The following LAMA3 variants were observed in gnomAD, a reference collection of about 807,000 sequenced individuals.
The protein encoded by LAMA3 is laminin subunit alpha-3.
In LAMA3, 281 loss-of-function variants were observed where a neutral mutation model predicts 402.0. That is an observed-to-expected ratio of 0.70 (90% CI 0.63 to 0.77). The LOEUF is 0.77. LAMA3 is among the 30% of genes least tolerant of loss of function. The pLI is 0.00. For synonymous variants in LAMA3, 1,431 were observed against 1,558.4 expected, an observed-to-expected ratio of 0.92 and a Z score of 1.93; for missense variants, 3,840 against 4,215.5, an observed-to-expected ratio of 0.91 and a Z score of 2.47.
chr18:23,801,619 A>G (rs547486429), intron 12 of LAMA3, among the ~76,000 whole-genome samples: 9 of 152,216 alleles, frequency 5.9e-5, no homozygotes, highest in Non-Finnish European at 1.0e-4. Flanking sequence ...AGAAACCTCC[A>G]TACTGTTTTC....
Position 23,866,927 on chromosome 18 carries a change from CAT to C in LAMA3, c.4684-906_4684-905del, listed in dbSNP as rs1262316701. ...TTGTGCTACAGCAGAAAAGCTGGGACATGTGTGTGTTTTTGCAGCAGGGTTGC... is the reference window on the plus strand; with the variant it reads ...TTGTGCTACAGCAGAAAAGCTGGGACGTGTGTGTTTTTGCAGCAGGGTTGC... On this transcript the variant is annotated intron_variant, in intron 36 of 74. Coordinates refer to ENST00000313654, the MANE Select transcript of LAMA3 (RefSeq NM_198129.4). Among the ~76,000 whole-genome samples, 3 of 152,294 alleles carry C rather than the reference CAT, an allele frequency of 2.0e-5. No individual in the cohort carries two copies. In the South Asian group the frequency reaches 6.2e-4, roughly 32 times the overall value.
chr18:23,898,839 G>T lies in LAMA3; in HGVS notation c.5715G>T (p.Leu1905Phe). The change falls in exon 45 of 75, where the codon TTG (leucine) becomes TTT (phenylalanine). Residue 1905 changes from leucine (L) to phenylalanine (F), a missense_variant. This residue lies in a region of LAMA3 where 891 missense variants were observed against 857.5 expected (regional missense o/e 1.04). Transcript: ENST00000313654. ...LTDLNQEFET[L>F]QEKAQVNSRK... ...ATTTGAATCAAGAATTTGAGACTTT[G>T]CAAGAAAAGGTAATGTGTTAGGTCC... 6.2e-7 allele frequency: 1 copy of T among 1,601,688 alleles called. No individual in the cohort carries two copies. Among genetic ancestry groups the T allele is most frequent in the Non-Finnish European group, 8.6e-7 (1 of 1,168,700 alleles).
intron 39 of LAMA3, among the ~76,000 whole-genome samples, chr18:23,880,208 G>C (rs996265033): frequency 6.6e-6 from 1 of 152,140 alleles, no homozygotes; most frequent in African/African-American, 2.4e-5. Flanking sequence ...CAGACCTGAA[G>C]GAGTCTGGAC....
Position 23,705,492 on chromosome 18 carries a change from C to CAT in LAMA3, c.295-8418_295-8417dup, listed in dbSNP as rs34357246. Among the ~76,000 whole-genome samples the CAT allele has an allele frequency of 4.4e-4, 65 of 147,510 alleles. 1 individual carries two copies. Among genetic ancestry groups the CAT allele is most frequent in the Middle Eastern group, 3.5e-3 (1 of 288 alleles). On this transcript the variant is annotated intron_variant, in intron 1 of 74. Coordinates refer to ENST00000313654, the MANE Select transcript of LAMA3 (RefSeq NM_198129.4). ...ACACACACACACACAGACATATATG[C>CAT]ATATATATATACACATACACACATA...
At chr18:23,696,015 G>A (rs13381500) in intron 1 of LAMA3, among the ~76,000 whole-genome samples, 1 of 151,520 alleles carries the variant, frequency 6.6e-6, no homozygotes, top group Non-Finnish European at 1.5e-5. Flanking sequence ...TGAGGGCTCA[G>A]AGGGCTGCTT....
Position 23,867,878 on chromosome 18 carries a change from G to T in LAMA3, c.4728G>T (p.Arg1576=). 1.2e-6 allele frequency: 2 copies of T among 1,614,062 alleles called. No individual in the cohort carries two copies. The highest frequency in any genetic ancestry group is 1.7e-6 in the Non-Finnish European group (2 of 1,179,978). ...SIIYEETNTP[R]PDRLHHGRVH... is the part of the protein sequence containing the mutation. ...TCTATGAGGAGACAAACACCCCACG[G>T]CCAGACCGGCTGCATCATGGACGAG... is the stretch of plus-strand genomic sequence containing the variant. The change falls in exon 37 of 75, where the codon CGG becomes CGT. Residue 1576 remains arginine (R), a synonymous_variant. Coordinates refer to ENST00000313654, the MANE Select transcript of LAMA3 (RefSeq NM_198129.4).
intron 41 of LAMA3, among the ~76,000 whole-genome samples, chr18:23,886,409 G>A (rs955523952): frequency 6.6e-6 from 1 of 152,154 alleles, no homozygotes; most frequent in Non-Finnish European, 1.5e-5. Context: ...GGCCAAGTTG[G>A]GAGGATTATT....
chr18:23,927,438 G>C (rs1443206149), intron 62 of LAMA3, among the ~76,000 whole-genome samples: 1 of 152,084 alleles, frequency 6.6e-6, no homozygotes, highest in African/African-American at 2.4e-5. Context: ...CAAAGTGCTG[G>C]GATTACAGGC....
At chr18:23,926,875 C>A (rs12456706) in intron 62 of LAMA3, among the ~76,000 whole-genome samples, 22,198 of 152,218 alleles carry the variant, frequency 0.15, 2,519 homozygotes, top group East Asian at 0.6. Flanking sequence ...ACTAACTTGA[C>A]GATCTCACAT....
At position 23,914,797 on chromosome 18, in the gene LAMA3, A is replaced by G. The variant is rs2081557677; in HGVS notation, c.7581A>G (p.Thr2527=). 37 of 1,612,930 alleles carry G rather than the reference A, an allele frequency of 2.3e-5. No individual in the cohort carries two copies. The East Asian group carries it at 8.2e-4, about 36-fold the overall frequency. The change falls in exon 58 of 75, where the codon ACA becomes ACG. Residue 2527 remains threonine, a synonymous_variant. Coordinates refer to ENST00000313654, the MANE Select transcript of LAMA3 (RefSeq NM_198129.4). ...VYDMDGRNSN[T]LLNLDPENVV... The stretch of plus-strand genomic sequence containing the variant: ...ACATGGATGGTAGAAATAGCAATAC[A>G]CTCCTTAATTTGGATCCTGAAAATG...
At chr18:23,740,350 A>G (rs749816191) in intron 2 of LAMA3, among the ~76,000 whole-genome samples, 3 of 152,122 alleles carry the variant, frequency 2.0e-5, no homozygotes, top group Non-Finnish European at 4.4e-5. Context: ...CTAGAGTTCA[A>G]AGTTTATACG....
intron 40 of LAMA3, among the ~76,000 whole-genome samples, chr18:23,883,027 G>A (rs1381169886): frequency 6.6e-6 from 1 of 152,212 alleles, no homozygotes; most frequent in Non-Finnish European, 1.5e-5. Context: ...TTGGCCACGA[G>A]GCTCCTAGAC....
intron 74 of LAMA3, 137 bp from the exon 75 acceptor site, chr18:23,954,366 G>A: frequency 9.8e-6 from 7 of 716,556 alleles, no homozygotes; most frequent in South Asian, 8.4e-5. Flanking sequence ...TCACACTACT[G>A]TACTTCAGCC....
chr18:23,750,432 GTTTTTTTTTTTTTT>G (rs66582854), intron 4 of LAMA3, among the ~76,000 whole-genome samples: 23 of 33,024 alleles, frequency 7.0e-4, no homozygotes, highest in Middle Eastern at 0.022. Context: ...GGTTTACACA[GTTTTTTTTTTTTTT>G]TTTTTTTTTT....
chr18:23,730,012 C>T (rs2061364641), intron 2 of LAMA3, among the ~76,000 whole-genome samples: 1 of 152,222 alleles, frequency 6.6e-6, no homozygotes, highest in South Asian at 2.1e-4. Context: ...TGTTCCCCTG[C>T]AAAGATCCAT....
At position 23,758,512 on chromosome 18, in the gene LAMA3, G is replaced by A. The variant is rs1348812068; in HGVS notation, c.1063+1G>A. ...TGGGAGCAGAGCCACGAGTGTGAAG[G>A]TGGGTGTGGGGATGGGGTGGGGGCC... On this transcript the variant is annotated splice_donor_variant, in intron 7 of 74. Coordinates refer to ENST00000313654, the MANE Select transcript of LAMA3 (RefSeq NM_198129.4). LOFTEE classifies it high-confidence loss of function. 1.2e-5 allele frequency: 19 copies of A among 1,611,202 alleles called. No individual in the cohort carries two copies. The highest frequency in any genetic ancestry group is 3.3e-5 in the Admixed American group (2 of 59,842).
chr18:23,795,740 A>G (rs1173749490), intron 12 of LAMA3, among the ~76,000 whole-genome samples: 2 of 150,692 alleles, frequency 1.3e-5, no homozygotes, highest in African/African-American at 4.9e-5. Flanking sequence ...TTTTTAATCT[A>G]TAAACTCTGC....
At chr18:23,797,141 G>A (rs557315122) in intron 12 of LAMA3, among the ~76,000 whole-genome samples, 1 of 152,184 alleles carries the variant, frequency 6.6e-6, no homozygotes, top group Admixed American at 6.5e-5. Flanking sequence ...TCACTGCCTC[G>A]TGTGCTGTTG....
At chr18:23,838,972 C>A in intron 26 of LAMA3, 94 bp downstream of exon 26, 1 of 818,594 alleles carries the variant, frequency 1.2e-6, no homozygotes, top group South Asian at 1.4e-5. Context: ...CAGAAATGAT[C>A]ATAAGCCAAG....
Sources: allele counts gnomAD v4.1 joint callset (sites outside exome capture counted in the v4.1 genomes callset), GRCh38; gene constraint gnomAD v4.1.1; regional missense constraint gnomAD v4.1.1; transcripts MANE v1.5; gene names NCBI Gene and HGNC (gene_info 2026-07-23, HGNC 2026-07-21).